AGMO: variants seen among roughly 807,000 people sequenced by gnomAD.
AGMO encodes the protein alkylglycerol monooxygenase.
In AGMO, 75 loss-of-function variants were observed where a neutral mutation model predicts 60.2. The observed-to-expected ratio is 1.25, with a 90% CI of 1.03 to 1.51. The LOEUF (loss-of-function observed/expected upper bound fraction) is 1.51, where lower values mean the gene tolerates loss of function less well. Ranked by LOEUF, AGMO falls within the 40% of genes most tolerant of loss-of-function variation. AGMO has a pLI of 0.00. For synonymous variants in AGMO, 261 were observed against 177.1 expected (o/e 1.47, Z -3.76); for missense variants, 763 against 525.5 (o/e 1.45, Z -4.42).
At chr7:15,269,763 A>T (rs1783541513) in intron 12 of AGMO, among the ~76,000 whole-genome samples, 1 of 151,852 alleles carries the variant, frequency 6.6e-6, no homozygotes, top group African/African-American at 2.4e-5. Flanking sequence ...TCCCTCTCAT[A>T]CCCTACTCCC....
intron 3 of AGMO, among the ~76,000 whole-genome samples, chr7:15,460,507 TTA>T (rs1782117166): frequency 6.6e-6 from 1 of 152,172 alleles, no homozygotes; most frequent in African/African-American, 2.4e-5. Context: ...GAAAAATATT[TTA>T]TCTTATTTAA....
intron 10 of AGMO, among the ~76,000 whole-genome samples, chr7:15,375,706 G>A (rs1783423362): frequency 6.6e-6 from 1 of 151,994 alleles, no homozygotes; most frequent in Non-Finnish European, 1.5e-5. Context: ...TCTTCACGTG[G>A]AATACTTTTA....
chr7:15,336,919 C>T (rs1010968777), intron 12 of AGMO, among the ~76,000 whole-genome samples: 1 of 152,146 alleles, frequency 6.6e-6, no homozygotes, highest in African/African-American at 2.4e-5. Context: ...CATTTTGACA[C>T]CTGGTCCTTT....
At chr7:15,283,087 A>G (rs879578062) in intron 12 of AGMO, among the ~76,000 whole-genome samples, 1 of 152,172 alleles carries the variant, frequency 6.6e-6, no homozygotes, top group Non-Finnish European at 1.5e-5. Flanking sequence ...TGCTAAAAGT[A>G]GTTCTAAATG....
chr7:15,390,542 T>G (rs553518122), intron 8 of AGMO, 129 bp downstream of exon 8: 2 of 563,946 alleles, frequency 3.5e-6, no homozygotes, highest in East Asian at 6.2e-5. Context: ...ATTTGTAAAT[T>G]TTTTAACAGT....
intron 3 of AGMO, among the ~76,000 whole-genome samples, chr7:15,483,718 A>G (rs762178326): frequency 6.6e-6 from 1 of 152,214 alleles, no homozygotes; most frequent in Non-Finnish European, 1.5e-5. Context: ...CATATTCTAG[A>G]TTGGAAAACT....
chr7:15,232,540 C>T (rs995716386), intron 12 of AGMO, among the ~76,000 whole-genome samples: 3 of 152,066 alleles, frequency 2.0e-5, no homozygotes, highest in Non-Finnish European at 4.4e-5. Flanking sequence ...TGGAGAAGAG[C>T]TGGTAGTGAT....
chr7:15,315,761 T>A (rs976704566), intron 12 of AGMO, among the ~76,000 whole-genome samples: 1 of 152,114 alleles, frequency 6.6e-6, no homozygotes, highest in Non-Finnish European at 1.5e-5. Context: ...GTTATTGAGA[T>A]AAGAGGAAAA....
Position 15,405,562 on chromosome 7 carries a change from C to G in AGMO, c.610-11383G>C, listed in dbSNP as rs542367357. Among the ~76,000 whole-genome samples, 6 of 152,020 alleles carry G rather than the reference C, an allele frequency of 3.9e-5. No individual in the cohort carries two copies. The East Asian group carries it at 1.2e-3, about 29-fold the overall frequency. On this transcript the variant is annotated intron_variant, in intron 5 of 12. Coordinates refer to ENST00000342526, the MANE Select transcript of AGMO (RefSeq NM_001004320.2). ...AGGTGACCCTACCCTTGCTTCAATT[C>G]TAGTTCGGACTTTATGAACCAATTC...
At chr7:15,338,226 G>GTA (rs1381789417) in intron 12 of AGMO, among the ~76,000 whole-genome samples, 1 of 152,066 alleles carries the variant, frequency 6.6e-6, no homozygotes, top group African/African-American at 2.4e-5. Flanking sequence ...GTGGCATTTA[G>GTA]TATATTCATG....
intron 12 of AGMO, among the ~76,000 whole-genome samples, chr7:15,354,445 CGT>C (rs1191053177): frequency 0.037 from 595 of 16,212 alleles, 50 homozygotes; most frequent in African/African-American, 0.11. Flanking sequence ...TGTATACACA[CGT>C]GTGTGTATAC....
At chr7:15,361,412 C>T (rs557297794) in intron 12 of AGMO, among the ~76,000 whole-genome samples, 6 of 151,482 alleles carry the variant, frequency 4.0e-5, no homozygotes, top group Admixed American at 6.6e-5. Context: ...TGGTGGCGGG[C>T]ACCTGTAGTC....
At position 15,218,317 on chromosome 7, in the gene AGMO, T is replaced by C. The variant is rs1319708615; in HGVS notation, c.1264-16958A>G. The stretch of plus-strand genomic sequence containing the variant: ...AGAGACATTAATACTATATTGACTA[T>C]GGTGTGTGTATGTGTGTGTGTGTGT... On this transcript the variant is annotated intron_variant, in intron 12 of 12. Transcript: ENST00000342526. Among the ~76,000 whole-genome samples the C allele has an allele frequency of 4.8e-5, 6 of 124,100 alleles. No individual in the cohort carries two copies. In the East Asian group the frequency reaches 1.5e-3, roughly 31 times the overall value. The allele number at this position is 124,100 out of a possible 152,430, so 81.4% of individuals were successfully genotyped here. A position where few individuals can be genotyped will look rare whatever the true frequency, so the allele number is the denominator to read the frequency against.
At chr7:15,479,609 C>T (rs1027890734) in intron 3 of AGMO, among the ~76,000 whole-genome samples, 3 of 151,864 alleles carry the variant, frequency 2.0e-5, no homozygotes, top group Admixed American at 1.3e-4. Flanking sequence ...AAAACAAAGC[C>T]GTGATTTGGG....
At chr7:15,508,750 T>C (rs531563346) in intron 3 of AGMO, among the ~76,000 whole-genome samples, 6 of 152,240 alleles carry the variant, frequency 3.9e-5, no homozygotes, top group Admixed American at 3.3e-4. Flanking sequence ...AAAAAGTTTT[T>C]TTAACATTTA....
chr7:15,128,380 G>C, the AGMO span, among the ~76,000 whole-genome samples: 3 of 151,826 alleles, frequency 2.0e-5, no homozygotes, highest in African/African-American at 7.3e-5. Context: ...AGATATGCTG[G>C]GTGAATTACT....
chr7:15,342,816 TTCTACCTCTACAACTTATGACTATA>T, intron 12 of AGMO, among the ~76,000 whole-genome samples: 1 of 140,176 alleles, frequency 7.1e-6, no homozygotes, highest in African/African-American at 2.6e-5. Flanking sequence ...TTGATCTGAA[TTCTACCTCTACAACTTATGACTATA>T]TGACATTGGA....
chr7:15,511,622 A>C (rs1783675543), intron 3 of AGMO, among the ~76,000 whole-genome samples: 1 of 152,150 alleles, frequency 6.6e-6, no homozygotes, highest in Non-Finnish European at 1.5e-5. Flanking sequence ...TTGCTAAGAG[A>C]ATAGATCTTA....
intron 12 of AGMO, among the ~76,000 whole-genome samples, chr7:15,313,689 A>T (rs1185383713): frequency 6.6e-6 from 1 of 152,070 alleles, no homozygotes; most frequent in African/African-American, 2.4e-5. Context: ...TCATTCCAAG[A>T]CCTCCAGTGG....
Sources: gnomAD v4.1 joint callset for allele counts (sites outside exome capture counted in the v4.1 genomes callset) on GRCh38, gnomAD v4.1.1 for gene constraint, MANE v1.5 for transcripts, NCBI Gene and HGNC (gene_info 2026-07-23, HGNC 2026-07-21) for gene names.